Variants in AKAP10 observed in about 807,000 individuals in gnomAD.
The protein encoded by AKAP10 is A-kinase anchor protein 10, mitochondrial.
A neutral mutation model predicts 80.8 loss-of-function variants in AKAP10; 24 were observed. The ratio of observed to expected loss-of-function variants is 0.30; its 90% confidence interval spans 0.22 to 0.42. The LOEUF is 0.42. Among genes scored for constraint, AKAP10 ranks in the 10% least tolerant of loss-of-function variants. AKAP10 has a pLI of 1.00. For synonymous variants in AKAP10, 291 were observed against 277.7 expected (o/e 1.05, Z -0.48); for missense variants, 661 against 794.9 (o/e 0.83, Z 2.03).
At chr17:19,906,286 C>G (rs1324577160) in intron 14 of AKAP10, 54 bp from the exon 15 acceptor site, 1 of 1,573,634 alleles carries the variant, frequency 6.4e-7, no homozygotes. Context: ...AACAAGTGAC[C>G]TATTATTACA....
At chr17:19,908,836 GT>G (rs1644606538) in intron 14 of AKAP10, among the ~76,000 whole-genome samples, 1 of 152,042 alleles carries the variant, frequency 6.6e-6, no homozygotes, top group Admixed American at 6.6e-5. Context: ...GGCCAGGCTG[GT>G]CTTGAACTCC....
intron 1 of AKAP10, among the ~76,000 whole-genome samples, chr17:19,974,617 T>C (rs994676978): frequency 6.6e-6 from 1 of 152,128 alleles, no homozygotes; most frequent in Non-Finnish European, 1.5e-5. Context: ...AATGCATTGA[T>C]GGTATTTAAA....
chr17:19,960,004 T>C (rs141579616), intron 3 of AKAP10, among the ~76,000 whole-genome samples: 221 of 152,278 alleles, frequency 1.5e-3, no homozygotes, highest in African/African-American at 5.1e-3. Context: ...TCCAGTACTT[T>C]AGGAGGCTGG....
In AKAP10 at chr17:19,958,485, G is replaced by A. The variant is rs749825051; in HGVS notation, c.406C>T (p.Leu136Phe). Reference sequence around the variant, plus strand: ...TCCATGAATTGAATGAAGTAAGGGAGGACAATAGTGTCGTGCAAGACTTGT... The same window carrying A: ...TCCATGAATTGAATGAAGTAAGGGAAGACAATAGTGTCGTGCAAGACTTGT... The part of the protein sequence containing the change: ...LEQVLHDTIV[L>F]PYFIQFMELR... The change falls in exon 4 of 15, where the codon CTC becomes TTC. Residue 136 changes from leucine (L) to phenylalanine (F), a missense_variant. By Grantham distance (22) the Leu-to-Phe change is conservative (BLOSUM62 0). Transcript: ENST00000225737. 1 of 1,613,744 alleles carries A rather than the reference G, an allele frequency of 6.2e-7. No homozygotes were observed.
intron 10 of AKAP10, among the ~76,000 whole-genome samples, chr17:19,926,306 G>A (rs1295045098): frequency 6.7e-6 from 1 of 149,202 alleles, no homozygotes; most frequent in Non-Finnish European, 1.5e-5. Context: ...AAAAAATCAG[G>A]AATGATAGGG....
chr17:19,928,815 A>G (rs764593594), intron 10 of AKAP10, among the ~76,000 whole-genome samples: 1 of 152,140 alleles, frequency 6.6e-6, no homozygotes, highest in Non-Finnish European at 1.5e-5. Flanking sequence ...GGTTGCAGTG[A>G]GCCGAGATTG....
intron 5 of AKAP10, among the ~76,000 whole-genome samples, chr17:19,946,222 TTATATATATATATA>T (rs1170911920): frequency 2.9e-5 from 1 of 33,960 alleles, no homozygotes; most frequent in South Asian, 1.1e-3. Context: ...TATATATATT[TTATATATATATATA>T]TTATATATAT....
intron 3 of AKAP10, among the ~76,000 whole-genome samples, chr17:19,959,798 G>A (rs754861539): frequency 2.0e-5 from 3 of 152,056 alleles, no homozygotes; most frequent in Non-Finnish European, 4.4e-5. Flanking sequence ...TTTGAAGCAC[G>A]TCGTGTCTTC....
At chr17:19,949,498 G>C (rs752336797) in intron 4 of AKAP10, among the ~76,000 whole-genome samples, 1 of 152,086 alleles carries the variant, frequency 6.6e-6, no homozygotes, top group Admixed American at 6.5e-5. Context: ...TTAGCCGGGC[G>C]CGGTGGCTCA....
intron 1 of AKAP10, among the ~76,000 whole-genome samples, chr17:19,971,401 C>T (rs555168566): frequency 1.3e-5 from 2 of 151,020 alleles, no homozygotes; most frequent in South Asian, 4.2e-4. Flanking sequence ...CCCAACTACT[C>T]GGGAGGCTGA....
rs539399784 is a variant in AKAP10, at chr17:19,945,671, A to C, written c.976+1736T>G. 1.1e-4 allele frequency among the ~76,000 whole-genome samples: 16 copies of C among 152,284 alleles called. No homozygotes were observed. In the South Asian group the frequency reaches 3.3e-3, roughly 32 times the overall value. Reference sequence around the variant, plus strand: ...CCCAGAATAGCTAACTGGAAGGTACAGTGGGCCAATTTAAGAAACACAGCT... The same window carrying C: ...CCCAGAATAGCTAACTGGAAGGTACCGTGGGCCAATTTAAGAAACACAGCT... On this transcript the variant is annotated intron_variant, in intron 5 of 14. Transcript: ENST00000225737.
chr17:19,910,747 AAGAC>A (rs1233477055), intron 12 of AKAP10, among the ~76,000 whole-genome samples: 1 of 151,656 alleles, frequency 6.6e-6, no homozygotes, highest in Non-Finnish European at 1.5e-5. Flanking sequence ...AAGGGCTTCT[AAGAC>A]AGAGTATGCT....
At chr17:19,950,519 C>T (rs1487479031) in intron 4 of AKAP10, among the ~76,000 whole-genome samples, 2 of 152,198 alleles carry the variant, frequency 1.3e-5, no homozygotes, top group Admixed American at 6.5e-5. Flanking sequence ...CTGTGTTGGC[C>T]GGGCTGGTCT....
At position 19,931,716 on chromosome 17, in the gene AKAP10, A is replaced by C. The variant is rs144885262; in HGVS notation, c.1641+89T>G. The C allele has an allele frequency of 4.2e-4, 604 of 1,431,562 alleles. 1 individual carries two copies. The African/African-American group carries it at 5.1e-3, about 12-fold the overall frequency. 88.7% of individuals were successfully genotyped at this position (1,431,562 alleles called of 1,614,324 possible). A position where few individuals can be genotyped will look rare whatever the true frequency, so the allele number is the denominator to read the frequency against. On this transcript the variant is annotated intron_variant, in intron 10 of 14. Transcript: ENST00000225737. The stretch of plus-strand genomic sequence containing the variant: ...TTTATCTTTTTTTTCCACAACTTAA[A>C]ATTTACAAATAATAGGATCTGTTAC...
intron 10 of AKAP10, among the ~76,000 whole-genome samples, chr17:19,930,082 T>C (rs1172676262): frequency 6.6e-6 from 1 of 151,022 alleles, no homozygotes; most frequent in South Asian, 2.1e-4. Flanking sequence ...GTTTATCTCC[T>C]AGGTAAACTT....
In AKAP10 at chr17:19,924,307, TATA is replaced by T. The variant is rs2042850677; in HGVS notation, c.1751+98_1751+100del. ...ACACTCTAAGTGAAAGTTCTGGGCA[TATA>T]ATAATAGATTAGAAAAAAATGTAAA... On this transcript the variant is annotated intron_variant, in intron 11 of 14. Transcript: ENST00000225737. 4 of 809,248 alleles carry T rather than the reference TATA, an allele frequency of 4.9e-6. No individual in the cohort carries two copies. The African/African-American group carries it at 5.3e-5, about 11-fold the overall frequency. The allele number at this position is 809,248 out of a possible 1,614,324, so 50.1% of individuals were successfully genotyped here.
chr17:19,975,365 A>G (rs940390111), intron 1 of AKAP10, among the ~76,000 whole-genome samples: 1 of 152,086 alleles, frequency 6.6e-6, no homozygotes, highest in Non-Finnish European at 1.5e-5. Context: ...AGAGCTCTCA[A>G]TCACCCAACA....
At chr17:19,912,151 A>G (rs1341137944) in intron 12 of AKAP10, among the ~76,000 whole-genome samples, 1 of 152,188 alleles carries the variant, frequency 6.6e-6, no homozygotes, top group Non-Finnish European at 1.5e-5. Flanking sequence ...ACGGTGGCTC[A>G]CGCCTGTAAT....
chr17:19,946,273 A>ATTTT lies in AKAP10; in HGVS notation c.976+1133_976+1134insAAAA, dbSNP rs2043127678. 4.5e-4 allele frequency among the ~76,000 whole-genome samples: 9 copies of ATTTT among 19,804 alleles called. 1 individual carries two copies. Among genetic ancestry groups the ATTTT allele is most frequent in the African/African-American group, 6.0e-4 (3 of 5,006 alleles). The allele number at this position is 19,804 out of a possible 152,430, so 13.0% of individuals were successfully genotyped here. A position where few individuals can be genotyped will look rare whatever the true frequency, so the allele number is the denominator to read the frequency against. On this transcript the variant is annotated intron_variant, in intron 5 of 14. Transcript: ENST00000225737. ...TATATATATATATATATATATATAT[A>ATTTT]TATTTTTTTTTTTTTTTTTTTTTTT...
Sources: gnomAD v4.1 joint callset for allele counts (sites outside exome capture counted in the v4.1 genomes callset) on GRCh38, gnomAD v4.1.1 for gene constraint, MANE v1.5 for transcripts, NCBI Gene and HGNC (gene_info 2026-07-23, HGNC 2026-07-21) for gene names.